DMRT1: variants seen among roughly 807,000 people sequenced by gnomAD.
DMRT1 encodes the protein doublesex- and mab-3-related transcription factor 1.
Under a neutral mutation model 32.3 loss-of-function variants are expected in DMRT1, and 7 were observed. That is an observed-to-expected ratio of 0.22 (90% CI 0.12 to 0.41). The LOEUF is 0.41. Ranked by LOEUF, DMRT1 falls within the 10% of genes least tolerant of loss-of-function variation. The pLI is 1.00. For missense variants in DMRT1, 625 were observed against 500.5 expected (o/e 1.25, Z -2.37); for synonymous variants, 278 against 206.1 (o/e 1.35, Z -2.99).
intron 4 of DMRT1, among the ~76,000 whole-genome samples, chr9:963,614 A>T (rs1355997044): frequency 1.3e-5 from 2 of 152,198 alleles, no homozygotes; most frequent in Non-Finnish European, 2.9e-5. Flanking sequence ...TTTACCTTTT[A>T]TCCCTTGTTC....
intron 2 of DMRT1, among the ~76,000 whole-genome samples, chr9:878,200 G>GTCCC (rs149257815): frequency 1.1e-5 from 1 of 94,038 alleles, no homozygotes; most frequent in Non-Finnish European, 2.0e-5. Flanking sequence ...TGCAGCTGCT[G>GTCCC]CCCCCCCCCC....
Position 955,034 on chromosome 9 carries a change from A to G in DMRT1, c.968-12951A>G, listed in dbSNP as rs1354401961. Among the ~76,000 whole-genome samples the G allele has an allele frequency of 4.6e-5, 7 of 152,354 alleles. No individual in the cohort carries two copies. In the East Asian group the frequency reaches 9.6e-4, roughly 21 times the overall value. ...AGTCATTTGCAATGAGGTGATATTTAAAGCCTTGTGTGACAAAAGAGAACC... is the reference window on the plus strand; with the variant it reads ...AGTCATTTGCAATGAGGTGATATTTGAAGCCTTGTGTGACAAAAGAGAACC... On this transcript the variant is annotated intron_variant, in intron 4 of 4. Transcript: ENST00000382276.
intron 4 of DMRT1, among the ~76,000 whole-genome samples, chr9:950,372 G>T (rs1046371369): frequency 6.6e-6 from 1 of 152,050 alleles, no homozygotes; most frequent in Admixed American, 6.6e-5. Flanking sequence ...CAGCAAGCTT[G>T]TTGTGATGCA....
chr9:843,742 T>G (rs778797397), intron 1 of DMRT1, among the ~76,000 whole-genome samples: 3 of 152,216 alleles, frequency 2.0e-5, no homozygotes, highest in African/African-American at 7.2e-5. Context: ...TACTTTTGAT[T>G]AGGAACGTGT....
At chr9:874,729 GCCTT>G (rs1179524350) in intron 2 of DMRT1, among the ~76,000 whole-genome samples, 1 of 151,394 alleles carries the variant, frequency 6.6e-6, no homozygotes, top group Non-Finnish European at 1.5e-5. Flanking sequence ...GGCTGTCTTG[GCCTT>G]CCTTCCTCTC....
rs987815160 is a variant in DMRT1, at chr9:841,716, C to T, written c.-123C>T. ...CTCGCCACTCCAGCTGCGCCTCCGG[C>T]TGCAGCGCACACGTCTCCTGCGCCT... On this transcript the variant is annotated 5_prime_UTR_variant, in exon 1 of 5. Transcript: ENST00000382276. The T allele has an allele frequency of 1.6e-5, 24 of 1,537,930 alleles. No individual in the cohort carries two copies. Among genetic ancestry groups the T allele is most frequent in the Admixed American group, 2.0e-5 (1 of 50,938 alleles).
chr9:946,385 T>C (rs1456432498), intron 4 of DMRT1, among the ~76,000 whole-genome samples: 1 of 152,164 alleles, frequency 6.6e-6, no homozygotes. Context: ...TATTTCCATT[T>C]CCATCAGAGC....
chr9:868,737 C>T (rs558810908), intron 2 of DMRT1, among the ~76,000 whole-genome samples: 140 of 152,248 alleles, frequency 9.2e-4, no homozygotes, highest in Non-Finnish European at 1.6e-3. Context: ...CGGCTGGGCA[C>T]GTTGGCTCAT....
intron 4 of DMRT1, among the ~76,000 whole-genome samples, chr9:948,883 C>G (rs1412085090): frequency 1.3e-5 from 2 of 149,372 alleles, no homozygotes; most frequent in African/African-American, 4.9e-5. Flanking sequence ...TGGTGAAACT[C>G]TGTCTCTACT....
intron 4 of DMRT1, among the ~76,000 whole-genome samples, chr9:950,370 T>A (rs1819389568): frequency 6.6e-6 from 1 of 152,072 alleles, no homozygotes; most frequent in Non-Finnish European, 1.5e-5. Context: ...ACCAGCAAGC[T>A]TGTTGTGATG....
intron 4 of DMRT1, among the ~76,000 whole-genome samples, chr9:919,836 G>A (rs931006482): frequency 6.6e-6 from 1 of 152,158 alleles, no homozygotes. Context: ...TCGAATTCTG[G>A]ATATATTTTA....
intron 1 of DMRT1, among the ~76,000 whole-genome samples, chr9:843,491 C>T (rs1363556202): frequency 1.3e-5 from 2 of 152,148 alleles, no homozygotes; most frequent in African/African-American, 4.8e-5. Flanking sequence ...AAAGAATATG[C>T]GCAGGTGGAA....
At chr9:953,790 A>G (rs749322243) in intron 4 of DMRT1, among the ~76,000 whole-genome samples, 3 of 152,188 alleles carry the variant, frequency 2.0e-5, no homozygotes, top group African/African-American at 4.8e-5. Context: ...GCTTTGTCTC[A>G]TGACAGTGAT....
At chr9:945,963 C>T (rs1245430524) in intron 4 of DMRT1, among the ~76,000 whole-genome samples, 3 of 152,054 alleles carry the variant, frequency 2.0e-5, no homozygotes, top group East Asian at 1.9e-4. Flanking sequence ...TATTGTTCCT[C>T]AGCACTTTCC....
At chr9:843,869 G>C (rs1449144066) in intron 1 of DMRT1, among the ~76,000 whole-genome samples, 3 of 152,156 alleles carry the variant, frequency 2.0e-5, no homozygotes, top group African/African-American at 7.2e-5. Flanking sequence ...GGCGAGTGCA[G>C]TCATGAAAAT....
rs1342630511 is a variant in DMRT1, at chr9:925,142, C to T, written c.967+8235C>T. Among the ~76,000 whole-genome samples, 5 of 152,138 alleles carry T rather than the reference C, an allele frequency of 3.3e-5. No individual in the cohort carries two copies. The East Asian group carries it at 5.8e-4, about 18-fold the overall frequency. On this transcript the variant is annotated intron_variant, in intron 4 of 4. Coordinates refer to ENST00000382276, the MANE Select transcript of DMRT1 (RefSeq NM_021951.3). The stretch of plus-strand genomic sequence containing the variant: ...AGAATTACCAGGGTGTGTGCCCACA[C>T]GGAGGGTCAGCTTCGTACTCCTCCA...
At chr9:866,151 G>T (rs894845280) in intron 2 of DMRT1, among the ~76,000 whole-genome samples, 1 of 114,168 alleles carries the variant, frequency 8.8e-6, no homozygotes, top group Admixed American at 1.2e-4. Context: ...GTGACAGAGT[G>T]AGAGTCCATC....
intron 4 of DMRT1, among the ~76,000 whole-genome samples, chr9:958,412 G>A (rs769917435): frequency 1.3e-5 from 2 of 152,160 alleles, no homozygotes; most frequent in Non-Finnish European, 2.9e-5. Context: ...TGTCACTGAG[G>A]CTGGAGTGCA....
Position 866,163 on chromosome 9 carries a change from C to CAAAAAA in DMRT1, c.538+19038_538+19043dup, listed in dbSNP as rs71327351. 1.3e-3 allele frequency among the ~76,000 whole-genome samples: 70 copies of CAAAAAA among 52,476 alleles called. 3 individuals are homozygous for CAAAAAA. The highest frequency in any genetic ancestry group is 0.028 in the Middle Eastern group (1 of 36). The allele number at this position is 52,476 out of a possible 152,430, so 34.4% of individuals were successfully genotyped here. ...TGGGTGACAGAGTGAGAGTCCATCT[C>CAAAAAA]AAAAAAAAAAAAAAAAAAAAAAAGA... On this transcript the variant is annotated intron_variant, in intron 2 of 4. Transcript: ENST00000382276.
Sources: gnomAD v4.1 joint callset for allele counts (sites outside exome capture counted in the v4.1 genomes callset) on GRCh38, gnomAD v4.1.1 for gene constraint, MANE v1.5 for transcripts, NCBI Gene and HGNC (gene_info 2026-07-23, HGNC 2026-07-21) for gene names.